The following MYO18B variants were observed in gnomAD, a reference collection of about 807,000 sequenced individuals.
MYO18B encodes the protein unconventional myosin-XVIIIb.
In MYO18B, 204 loss-of-function variants were observed where a neutral mutation model predicts 273.0. The ratio of observed to expected loss-of-function variants is 0.75; its 90% CI spans 0.67 to 0.84. The LOEUF (loss-of-function observed/expected upper bound fraction) is 0.84. Among genes scored for constraint, MYO18B ranks in the 40% least tolerant of loss-of-function variants. The pLI, the probability that MYO18B is intolerant of heterozygous loss-of-function variation, is 0.00. For synonymous variants in MYO18B, 1,330 were observed against 1,305.7 expected (o/e 1.02, Z -0.40); for missense variants, 3,212 against 3,287.6 (o/e 0.98, Z 0.56).
chr22:25,891,351 G>C lies in MYO18B; in HGVS notation c.4482G>C (p.Gln1494His). The C allele has an allele frequency of 6.3e-7, 1 of 1,585,234 alleles. No individual in the cohort carries two copies. Among genetic ancestry groups the C allele is most frequent in the African/African-American group, 1.3e-5 (1 of 74,444 alleles). ...AAAAACTGGGAGATGTGAATAAACA[G>C]TTGGAAGAAGCCCAGCAGAAAATTC... ...VQKKLGDVNK[Q>H]LEEAQQKIQL... The change falls in exon 27 of 44, where the codon CAG (glutamine) becomes CAC (histidine). Residue 1494 changes from glutamine to histidine, a missense_variant. Coordinates refer to ENST00000335473, the MANE Select transcript of MYO18B (RefSeq NM_032608.7).
At chr22:25,891,767 C>T (rs2146284182) in intron 27 of MYO18B, among the ~76,000 whole-genome samples, 1 of 152,236 alleles carries the variant, frequency 6.6e-6, no homozygotes, top group Admixed American at 6.5e-5. Context: ...TGGCTCACAC[C>T]TATAATCCTA....
At chr22:25,818,128 G>A (rs1334484412) in intron 12 of MYO18B, among the ~76,000 whole-genome samples, 2 of 152,212 alleles carry the variant, frequency 1.3e-5, no homozygotes, top group African/African-American at 4.8e-5. Context: ...CCTGGTGGGT[G>A]GAGAGAAAAG....
intron 39 of MYO18B, among the ~76,000 whole-genome samples, chr22:25,957,012 C>G (rs548094879): frequency 6.6e-6 from 1 of 152,328 alleles, no homozygotes; most frequent in African/African-American, 2.4e-5. Context: ...GGCCTCCTGA[C>G]TGGCGGTTCC....
intron 42 of MYO18B, among the ~76,000 whole-genome samples, chr22:26,013,322 G>A (rs932303523): frequency 1.3e-5 from 2 of 152,050 alleles, no homozygotes; most frequent in Non-Finnish European, 1.5e-5. Flanking sequence ...GTCTTACAAT[G>A]CACAGGACAG....
chr22:25,763,338 C>T lies in MYO18B; in HGVS notation c.147C>T (p.Ala49=), dbSNP rs1375403546. 3.7e-6 allele frequency: 6 copies of T among 1,612,676 alleles called. No homozygotes were observed. The African/African-American group carries it at 6.7e-5, about 18-fold the overall frequency. ...KQLVRGTEKE[A]KEARQRKQLA... is the part of the protein sequence containing the mutation. ...TGGTCCGGGGGACTGAAAAAGAGGC[C>T]AAGGAAGCGAGACAGAGGAAGCAGT... The change falls in exon 3 of 44, where the codon GCC becomes GCT. Residue 49 remains alanine, a synonymous_variant. Coordinates refer to ENST00000335473, the MANE Select transcript of MYO18B (RefSeq NM_032608.7).
intron 36 of MYO18B, among the ~76,000 whole-genome samples, chr22:25,948,630 A>G (rs2269643): frequency 0.15 from 22,890 of 149,430 alleles, 1,760 homozygotes; most frequent in East Asian, 0.24. Context: ...TTCAATATTT[A>G]CTGAATCCTT....
At chr22:25,947,948 C>A in intron 36 of MYO18B, 120 bp downstream of exon 36, 1 of 707,796 alleles carries the variant, frequency 1.4e-6, no homozygotes, top group South Asian at 1.7e-5. Context: ...GGGATAAGTG[C>A]ACAGAGATAG....
chr22:25,928,548 G>A (rs187767590), intron 34 of MYO18B, among the ~76,000 whole-genome samples: 66 of 151,866 alleles, frequency 4.3e-4, no homozygotes, highest in African/African-American at 1.5e-3. Context: ...TCTGTTCATT[G>A]CCCCTGCATC....
chr22:25,816,770 G>C (rs1164218912), intron 12 of MYO18B, among the ~76,000 whole-genome samples: 1 of 152,184 alleles, frequency 6.6e-6, no homozygotes, highest in Non-Finnish European at 1.5e-5. Context: ...GTGGAGGTGG[G>C]ATTTGAACTG....
Position 25,883,248 on chromosome 22 carries a change from C to T in MYO18B, c.4314+5200C>T, listed in dbSNP as rs1441246148. The T allele has an allele frequency of 6.6e-6, 1 of 152,234 alleles. No homozygotes were observed. The highest frequency in any genetic ancestry group is 1.9e-4 in the East Asian group (1 of 5,200). The allele number at this position is 152,234 out of a possible 1,614,324, so 9.4% of individuals were successfully genotyped here. A position where few individuals can be genotyped will look rare whatever the true frequency, so the allele number is the denominator to read the frequency against. ...TGGGGAACAGTTAGCTCTGTATCTT[C>T]CCCAGTCCACCTCCTGAGGGTCTGA... is the stretch of plus-strand genomic sequence containing the variant. On this transcript the variant is annotated intron_variant, in intron 25 of 43. Coordinates refer to ENST00000335473, the MANE Select transcript of MYO18B (RefSeq NM_032608.7). The surrounding 1 kb of genome is among the most constrained non-coding windows in gnomAD (Gnocchi z 7.6).
At chr22:25,746,628 C>T (rs1025211280) in intron 1 of MYO18B, among the ~76,000 whole-genome samples, 7 of 152,354 alleles carry the variant, frequency 4.6e-5, no homozygotes, top group Non-Finnish European at 1.0e-4. Flanking sequence ...TTCTGTCCCA[C>T]ACAACTTTCT....
intron 21 of MYO18B, among the ~76,000 whole-genome samples, chr22:25,855,442 C>T (rs566225583): frequency 6.6e-6 from 1 of 152,190 alleles, no homozygotes; most frequent in Admixed American, 6.5e-5. Context: ...CGCCACCACG[C>T]CTGGCTAATT....
At chr22:25,820,433 A>G (rs1787049316) in intron 12 of MYO18B, among the ~76,000 whole-genome samples, 1 of 152,152 alleles carries the variant, frequency 6.6e-6, no homozygotes, top group African/African-American at 2.4e-5. Context: ...GGCCCTCACA[A>G]TCTCTTTCTG....
intron 12 of MYO18B, among the ~76,000 whole-genome samples, chr22:25,807,745 C>T (rs903346314): frequency 3.3e-5 from 5 of 152,092 alleles, no homozygotes; most frequent in African/African-American, 7.2e-5. Flanking sequence ...CAAGGATGAG[C>T]GAAACCAAAT....
At chr22:25,901,462 C>G (rs1048318264) in intron 29 of MYO18B, 7 of 152,070 alleles carry the variant, frequency 4.6e-5, no homozygotes, top group African/African-American at 1.7e-4. Context: ...GGCTTCTCAC[C>G]CAGTGGTCAT....
chr22:25,950,406 CA>C lies in MYO18B; in HGVS notation c.5789del (p.Gln1930ArgfsTer46). The C allele has an allele frequency of 6.2e-7, 1 of 1,607,910 alleles. No homozygotes were observed. On this transcript the variant is annotated frameshift_variant, in exon 37 of 44. Transcript: ENST00000335473. LOFTEE classifies it high-confidence loss of function. Reference sequence around the variant, plus strand: ...TGGGCAGATCCAAGAACTGCAGCTGCAGCTGGAGGAAGCCAAGAAGGAGAAG... The same window carrying C: ...TGGGCAGATCCAAGAACTGCAGCTGCGCTGGAGGAAGCCAAGAAGGAGAAG... ...DIGQIQELQL[Q>X]LEEAKKEKHK...
intron 12 of MYO18B, among the ~76,000 whole-genome samples, chr22:25,812,455 C>T (rs1034353690): frequency 6.6e-6 from 1 of 152,194 alleles, no homozygotes; most frequent in Admixed American, 6.5e-5. Context: ...ACTTCCCCTA[C>T]ATTTTTCCTG....
At chr22:25,825,552 G>C (rs900762067) in intron 13 of MYO18B, among the ~76,000 whole-genome samples, 3 of 152,076 alleles carry the variant, frequency 2.0e-5, no homozygotes, top group African/African-American at 7.2e-5. Context: ...GTGTGTATTC[G>C]AGCAAAATCA....
chr22:25,852,480 T>G (rs2146053157), intron 21 of MYO18B, among the ~76,000 whole-genome samples: 1 of 152,334 alleles, frequency 6.6e-6, no homozygotes, highest in East Asian at 1.9e-4. Context: ...AACTACACCG[T>G]AAACTCATGG....
Sources: gnomAD v4.1 joint callset for allele counts (sites outside exome capture counted in the v4.1 genomes callset) on GRCh38, gnomAD v4.1.1 for gene constraint, Gnocchi (gnomAD v3.1) non-coding constraint, MANE v1.5 for transcripts, NCBI Gene and HGNC (gene_info 2026-07-23, HGNC 2026-07-21) for gene names.